Variants in KCNN2 observed in about 807,000 individuals in gnomAD.
KCNN2 encodes the protein small conductance calcium-activated potassium channel protein 2.
Under a neutral mutation model 55.5 loss-of-function variants are expected in KCNN2, and 24 were observed. The ratio of observed to expected loss-of-function variants is 0.43; its 90% confidence interval spans 0.31 to 0.61. The LOEUF is 0.61. Among genes scored for constraint, KCNN2 ranks in the 20% least tolerant of loss-of-function variants. The pLI is 0.08. For missense variants in KCNN2, 754 were observed against 853.6 expected (o/e 0.88, Z 1.45); for synonymous variants, 431 against 336.1 (o/e 1.28, Z -3.09).
rs1488448306 is a variant in KCNN2, at chr5:114,493,208, C to G, written c.2019-195C>G. 3 of 669,404 alleles carry G rather than the reference C, an allele frequency of 4.5e-6. No homozygotes were observed. In the African/African-American group the frequency reaches 5.3e-5, roughly 12 times the overall value. The allele number at this position is 669,404 out of a possible 1,614,324, so 41.5% of individuals were successfully genotyped here. ...ATCTCATCTCTTGCTCTCACTCTCT[C>G]CTTTCTTTTTTGCGGTGTTGGGGAA... is the stretch of plus-strand genomic sequence containing the variant. On this transcript the variant is annotated intron_variant, in intron 6 of 7. Coordinates refer to ENST00000673685, the MANE Select transcript of KCNN2 (RefSeq NM_021614.4).
intron 1 of KCNN2, among the ~76,000 whole-genome samples, chr5:114,061,041 A>G (rs1262911376): frequency 6.6e-6 from 1 of 152,212 alleles, no homozygotes; most frequent in African/African-American, 2.4e-5. Flanking sequence ...TCCATTGCAC[A>G]TAATTCATGG....
chr5:114,133,000 G>C (rs974572225), intron 1 of KCNN2, among the ~76,000 whole-genome samples: 1 of 152,192 alleles, frequency 6.6e-6, no homozygotes, highest in African/African-American at 2.4e-5. Flanking sequence ...GAGAGAAAGA[G>C]AGGGATTCTT....
chr5:114,184,076 G>A (rs576709474), intron 1 of KCNN2, among the ~76,000 whole-genome samples: 1 of 152,100 alleles, frequency 6.6e-6, no homozygotes, highest in South Asian at 2.1e-4. Context: ...GAATCATATT[G>A]CCCACTTCCT....
chr5:114,222,593 A>G lies in KCNN2; in HGVS notation c.-185+1028A>G, dbSNP rs536767351. Among the ~76,000 whole-genome samples the G allele has an allele frequency of 2.0e-4, 31 of 152,302 alleles. No homozygotes were observed. The South Asian group carries it at 5.2e-3, about 25-fold the overall frequency. ...TTTGAAAATTTGCGAACTGTACTAT[A>G]TTATCGGATGGGAATGTCAATTCTT... On this transcript the variant is annotated intron_variant, in intron 2 of 10. Coordinates refer to the KCNN2 transcript ENST00000512097.
At chr5:114,248,866 G>T (rs1407807715) in intron 2 of KCNN2, among the ~76,000 whole-genome samples, 1 of 152,150 alleles carries the variant, frequency 6.6e-6, no homozygotes, top group Non-Finnish European at 1.5e-5. Context: ...GAGGGTCACA[G>T]CATATAGTGT....
At chr5:114,481,652 G>A (rs915633748) in intron 5 of KCNN2, among the ~76,000 whole-genome samples, 5 of 152,044 alleles carry the variant, frequency 3.3e-5, no homozygotes, top group Non-Finnish European at 5.9e-5. Context: ...CTATATTATA[G>A]GGCTACAGTA....
At chr5:114,465,460 G>T (rs1761400625) in intron 4 of KCNN2, among the ~76,000 whole-genome samples, 1 of 151,966 alleles carries the variant, frequency 6.6e-6, no homozygotes, top group African/African-American at 2.4e-5. Context: ...TAAAAATACA[G>T]AATTAGCCAG....
intron 2 of KCNN2, among the ~76,000 whole-genome samples, chr5:114,281,296 G>T (rs1457759): frequency 0.9 from 136,482 of 152,170 alleles, 61,608 homozygotes; most frequent in Middle Eastern, 0.94. Flanking sequence ...TAAAACATGG[G>T]ATATTCAATA....
intron 3 of KCNN2, among the ~76,000 whole-genome samples, chr5:114,412,664 G>T (rs1759173227): frequency 1.3e-5 from 2 of 152,118 alleles, no homozygotes; most frequent in South Asian, 2.1e-4. Flanking sequence ...TGCCAGCCAT[G>T]ATTTTATTTT....
chr5:114,496,320 GT>G lies in KCNN2; in HGVS notation c.*142del. On this transcript the variant is annotated 3_prime_UTR_variant, in exon 8 of 8. Coordinates refer to ENST00000673685, the MANE Select transcript of KCNN2 (RefSeq NM_021614.4). ...AGAATCCTGGGAACCTGAACACTAAGTTTTAGGCCAAAATGAGTGAAAACTC... is the reference window on the plus strand; with the variant it reads ...AGAATCCTGGGAACCTGAACACTAAGTTTAGGCCAAAATGAGTGAAAACTC... The G allele has an allele frequency of 1.1e-6, 1 of 893,560 alleles. No individual in the cohort carries two copies. The highest frequency in any genetic ancestry group is 1.6e-6 in the Non-Finnish European group (1 of 606,090). The allele number at this position is 893,560 out of a possible 1,614,324, so 55.4% of individuals were successfully genotyped here. A position where few individuals can be genotyped will look rare whatever the true frequency, so the allele number is the denominator to read the frequency against.
At chr5:114,071,552 T>C (rs756154454) in intron 1 of KCNN2, among the ~76,000 whole-genome samples, 3 of 152,206 alleles carry the variant, frequency 2.0e-5, no homozygotes, top group Non-Finnish European at 4.4e-5. Context: ...TGAGTTGATA[T>C]ACAATATCAT....
chr5:114,490,730 T>G (rs1747804164), intron 6 of KCNN2: 1 of 398,192 alleles, frequency 2.5e-6, no homozygotes, highest in Non-Finnish European at 4.4e-6. Flanking sequence ...CTTTCAACAT[T>G]TGCAGAATTT....
intron 1 of KCNN2, among the ~76,000 whole-genome samples, chr5:114,081,680 T>C (rs1368317813): frequency 6.6e-6 from 1 of 152,158 alleles, no homozygotes; most frequent in East Asian, 1.9e-4. Context: ...GAAGAAAACA[T>C]TGCAAAAGCT....
chr5:114,133,434 G>A (rs935676564), intron 1 of KCNN2, among the ~76,000 whole-genome samples: 4 of 152,146 alleles, frequency 2.6e-5, no homozygotes, highest in African/African-American at 9.7e-5. Flanking sequence ...AATTGCTGAT[G>A]TTCCTTGTAA....
chr5:114,310,184 A>G (rs1440566284), intron 2 of KCNN2, among the ~76,000 whole-genome samples: 1 of 152,118 alleles, frequency 6.6e-6, no homozygotes. Flanking sequence ...CCTCTTGCCA[A>G]AGTGCCCTTC....
At chr5:114,244,294 A>AT (rs142581964) in intron 2 of KCNN2, among the ~76,000 whole-genome samples, 1 of 150,282 alleles carries the variant, frequency 6.7e-6, no homozygotes, top group African/African-American at 2.5e-5. Context: ...GCAAGATGGA[A>AT]TTTTTTTGCT....
At chr5:114,241,794 G>GTGTATATA (rs1554076487) in intron 2 of KCNN2, among the ~76,000 whole-genome samples, 1 of 16,964 alleles carries the variant, frequency 5.9e-5, no homozygotes, top group Non-Finnish European at 9.4e-5. Context: ...GTATATATAT[G>GTGTATATA]TATATATATA....
chr5:114,221,204 T>C (rs1394300703), intron 1 of KCNN2, among the ~76,000 whole-genome samples: 1 of 152,200 alleles, frequency 6.6e-6, no homozygotes, highest in East Asian at 1.9e-4. Flanking sequence ...TGTATTCCTT[T>C]GTACAGGGCA....
At chr5:114,397,995 C>G (rs771449013) in intron 2 of KCNN2, among the ~76,000 whole-genome samples, 2 of 152,042 alleles carry the variant, frequency 1.3e-5, no homozygotes, top group Non-Finnish European at 2.9e-5. Flanking sequence ...TTACTGTGTT[C>G]ATAGTTTCCT....
Sources: allele counts gnomAD v4.1 joint callset (sites outside exome capture counted in the v4.1 genomes callset), GRCh38; gene constraint gnomAD v4.1.1; transcripts MANE v1.5; gene names NCBI Gene and HGNC (gene_info 2026-07-23, HGNC 2026-07-21).